SYN2: variants seen among roughly 807,000 people sequenced by gnomAD.
SYN2 encodes synapsin-2.
A neutral mutation model predicts 50.9 loss-of-function variants in SYN2; 19 were observed. The ratio of observed to expected loss-of-function variants is 0.37; its 90% CI spans 0.26 to 0.55. The LOEUF is 0.55. Among genes scored for constraint, SYN2 ranks in the 20% least tolerant of loss-of-function variants. The pLI, the probability that SYN2 is intolerant of heterozygous loss-of-function variation, is 0.81. For synonymous variants in SYN2, 255 were observed against 224.9 expected (o/e 1.13, Z -1.20); for missense variants, 587 against 576.4 (o/e 1.02, Z -0.19).
intron 1 of SYN2, among the ~76,000 whole-genome samples, chr3:12,108,780 T>C (rs890832593): frequency 1.4e-4 from 21 of 147,090 alleles, no homozygotes; most frequent in Non-Finnish European, 2.8e-4. Flanking sequence ...TCATAAATTA[T>C]TTAGTCTCTT....
intron 1 of SYN2, among the ~76,000 whole-genome samples, chr3:12,054,328 A>G (rs1195396403): frequency 6.6e-6 from 1 of 152,042 alleles, no homozygotes; most frequent in Non-Finnish European, 1.5e-5. Context: ...GTCCTTTGCA[A>G]TTTTGGGGGA....
chr3:12,027,250 T>C (rs886780105), intron 1 of SYN2, among the ~76,000 whole-genome samples: 1 of 152,226 alleles, frequency 6.6e-6, no homozygotes, highest in African/African-American at 2.4e-5. Context: ...TGTTTATTTG[T>C]AATGCATTTC....
intron 1 of SYN2, among the ~76,000 whole-genome samples, chr3:12,036,086 A>G (rs1051507109): frequency 2.6e-5 from 4 of 152,152 alleles, no homozygotes; most frequent in African/African-American, 9.7e-5. Flanking sequence ...TGAAGGAACT[A>G]AAGATTTTAC....
intron 1 of SYN2, among the ~76,000 whole-genome samples, chr3:12,079,647 G>A (rs1695545729): frequency 6.6e-6 from 1 of 152,168 alleles, no homozygotes; most frequent in Non-Finnish European, 1.5e-5. Context: ...TCCCAGGAAT[G>A]AAGCCAATTT....
At chr3:12,010,259 C>G (rs1693888702) in intron 1 of SYN2, among the ~76,000 whole-genome samples, 1 of 152,154 alleles carries the variant, frequency 6.6e-6, no homozygotes. Context: ...TGCTTACTGT[C>G]TTTCTGTACC....
intron 1 of SYN2, among the ~76,000 whole-genome samples, chr3:12,024,149 C>CTT (rs35513783): frequency 3.2e-3 from 221 of 68,336 alleles, no homozygotes; most frequent in Non-Finnish European, 4.7e-3. Flanking sequence ...TCATTACTTC[C>CTT]TTTTTTTTTT....
chr3:12,026,235 A>G (rs569442928), intron 1 of SYN2, among the ~76,000 whole-genome samples: 1 of 152,232 alleles, frequency 6.6e-6, no homozygotes, highest in African/African-American at 2.4e-5. Context: ...TTGAATATGC[A>G]CTGAGCTTTC....
chr3:12,161,884 G>T, intron 6 of SYN2, 128 bp from the exon 7 acceptor site: 1 of 1,352,038 alleles, frequency 7.4e-7, no homozygotes, highest in Non-Finnish European at 1.0e-6. Context: ...CTGGGGAGAT[G>T]TGGCACCCAG....
intron 10 of SYN2, among the ~76,000 whole-genome samples, chr3:12,176,295 C>T (rs1698066807): frequency 6.6e-6 from 1 of 152,180 alleles, no homozygotes; most frequent in African/African-American, 2.4e-5. Context: ...ATCTGGTCCT[C>T]TCCTTCATGT....
At chr3:12,080,197 C>T (rs1255563533) in intron 1 of SYN2, among the ~76,000 whole-genome samples, 1 of 151,484 alleles carries the variant, frequency 6.6e-6, no homozygotes, top group Non-Finnish European at 1.5e-5. Context: ...CTCTTTTCTT[C>T]TTTACTAGTC....
chr3:12,168,509 T>A (rs761517359), intron 9 of SYN2, 31 bp downstream of exon 9: 1 of 1,579,314 alleles, frequency 6.3e-7, no homozygotes, highest in Non-Finnish European at 8.7e-7. Context: ...AAGAGGTAAC[T>A]CCTAAGGCTT....
At chr3:12,035,954 A>C (rs1343748758) in intron 1 of SYN2, among the ~76,000 whole-genome samples, 2 of 152,200 alleles carry the variant, frequency 1.3e-5, no homozygotes. Flanking sequence ...CTTTAGTTTC[A>C]ATAGGGAACC....
intron 4 of SYN2, 80 bp from the exon 5 acceptor site, chr3:12,151,157 A>G: frequency 9.8e-7 from 1 of 1,015,272 alleles, no homozygotes; most frequent in Non-Finnish European, 1.5e-6. Context: ...CAAATGCTCA[A>G]TAAATATTTG....
chr3:12,079,605 T>C (rs1208618479), intron 1 of SYN2, among the ~76,000 whole-genome samples: 6 of 152,234 alleles, frequency 3.9e-5, no homozygotes, highest in African/African-American at 1.2e-4. Context: ...GAATTACATT[T>C]ACTGATTTGT....
intron 1 of SYN2, among the ~76,000 whole-genome samples, chr3:12,006,344 G>C (rs534462820): frequency 6.6e-6 from 1 of 152,318 alleles, no homozygotes; most frequent in Admixed American, 6.5e-5. Flanking sequence ...ACATGGAAGA[G>C]GGTAATGGGG....
intron 10 of SYN2, among the ~76,000 whole-genome samples, chr3:12,177,336 T>C (rs1698099533): frequency 6.6e-6 from 1 of 152,210 alleles, no homozygotes; most frequent in Admixed American, 6.5e-5. Context: ...TTTTAGCTTA[T>C]CAGCCATTGT....
At chr3:12,051,161 C>T (rs1694852787) in intron 1 of SYN2, among the ~76,000 whole-genome samples, 1 of 152,120 alleles carries the variant, frequency 6.6e-6, no homozygotes, top group Admixed American at 6.5e-5. Context: ...GACTTCCAGA[C>T]AGATGCTTAG....
intron 3 of SYN2, among the ~76,000 whole-genome samples, chr3:12,143,499 A>G (rs1203204034): frequency 6.6e-6 from 1 of 151,900 alleles, no homozygotes; most frequent in East Asian, 1.9e-4. Flanking sequence ...GTCTATGTGT[A>G]CCCATTATTT....
intron 7 of SYN2, chr3:12,165,599 T>G (rs1417552508): frequency 1.3e-5 from 2 of 152,130 alleles, no homozygotes; most frequent in African/African-American, 4.8e-5. Context: ...TCAGGTTGAG[T>G]TGGGTATGCA....
Sources: gnomAD v4.1 joint callset for allele counts (sites outside exome capture counted in the v4.1 genomes callset) on GRCh38, gnomAD v4.1.1 for gene constraint, MANE v1.5 for transcripts, NCBI Gene and HGNC (gene_info 2026-07-23, HGNC 2026-07-21) for gene names.